Variants in OSBPL1A observed in about 807,000 individuals in gnomAD.
The protein encoded by OSBPL1A is oxysterol-binding protein-related protein 1.
In OSBPL1A, 80 loss-of-function variants were observed where a neutral mutation model predicts 137.1. The ratio of observed to expected loss-of-function variants is 0.58; its 90% CI spans 0.49 to 0.70. OSBPL1A has a LOEUF of 0.70. OSBPL1A is among the 30% of genes least tolerant of loss of function. OSBPL1A has a pLI of 0.00. For missense variants in OSBPL1A, 970 were observed against 1,129.4 expected (o/e 0.86, Z 2.02); for synonymous variants, 365 against 389.7 (o/e 0.94, Z 0.75).
Position 24,206,736 on chromosome 18 carries a change from A to G in OSBPL1A, c.1602-10536T>C, listed in dbSNP as rs571485099. Among the ~76,000 whole-genome samples the G allele has an allele frequency of 5.3e-5, 8 of 152,308 alleles. No homozygotes were observed. The East Asian group carries it at 1.4e-3, about 26-fold the overall frequency. On this transcript the variant is annotated intron_variant, in intron 17 of 27. Transcript: ENST00000319481. ...TGATCTCAAAGTCAGCCACGATGTC[A>G]GCAATGGGATTTTGAAAGCAACTCA...
chr18:24,236,470 G>A (rs930318486), intron 16 of OSBPL1A, among the ~76,000 whole-genome samples: 6 of 152,120 alleles, frequency 3.9e-5, no homozygotes, highest in Non-Finnish European at 7.4e-5. Flanking sequence ...TGGGTGGCTA[G>A]GTCAACAGCA....
intron 15 of OSBPL1A, among the ~76,000 whole-genome samples, chr18:24,243,606 C>T (rs928590229): frequency 6.6e-6 from 1 of 152,220 alleles, no homozygotes; most frequent in Admixed American, 6.5e-5. Flanking sequence ...CCGTTACCCA[C>T]CTAAAATAAG....
chr18:24,205,917 GTC>G (rs2087359270), intron 17 of OSBPL1A, among the ~76,000 whole-genome samples: 2 of 152,202 alleles, frequency 1.3e-5, no homozygotes, highest in Non-Finnish European at 2.9e-5. Context: ...TTGAGACAGA[GTC>G]TCGATCTGTC....
chr18:24,294,535 A>G lies in OSBPL1A; in HGVS notation c.1174+9102T>C, dbSNP rs180759961. Among the ~76,000 whole-genome samples, 9 of 152,066 alleles carry G rather than the reference A, an allele frequency of 5.9e-5. No homozygotes were observed. In the East Asian group the frequency reaches 1.7e-3, roughly 29 times the overall value. ...AGGCGTGAGCCACTGTGCCCGGTCC[A>G]ATATGTAGATTTTAATTTCTCCCCC... On this transcript the variant is annotated intron_variant, in intron 14 of 27. Transcript: ENST00000319481.
intron 15 of OSBPL1A, among the ~76,000 whole-genome samples, chr18:24,268,424 A>T (rs1270573920): frequency 2.6e-5 from 4 of 152,118 alleles, no homozygotes; most frequent in Non-Finnish European, 5.9e-5. Context: ...CTGGCCCTAT[A>T]TGAAGCTTCT....
rs2086330646 is a variant in OSBPL1A, at chr18:24,173,081, A to T, written c.2094-598T>A. Among the ~76,000 whole-genome samples, 3 of 152,244 alleles carry T rather than the reference A, an allele frequency of 2.0e-5. No individual in the cohort carries two copies. The South Asian group carries it at 6.2e-4, about 32-fold the overall frequency. On this transcript the variant is annotated intron_variant, in intron 21 of 27. Transcript: ENST00000319481. ...TACTATGAAGCCATAAAAAAGAACA[A>T]GATCATGTCTTTTCTGGGAATATGG...
intron 27 of OSBPL1A, among the ~76,000 whole-genome samples, chr18:24,164,666 G>A (rs1042536957): frequency 1.3e-5 from 2 of 151,832 alleles, no homozygotes; most frequent in Non-Finnish European, 2.9e-5. Flanking sequence ...CTGACCTCAT[G>A]ATCCGCCCGC....
intron 4 of OSBPL1A, 89 bp from the exon 5 acceptor site, chr18:24,341,747 T>A: frequency 1.3e-6 from 1 of 752,580 alleles, no homozygotes; most frequent in Non-Finnish European, 2.1e-6. Flanking sequence ...CTACAGAGTC[T>A]CCACAATAGA....
intron 14 of OSBPL1A, among the ~76,000 whole-genome samples, chr18:24,296,650 T>C (rs769157523): frequency 6.6e-6 from 1 of 152,204 alleles, no homozygotes; most frequent in Non-Finnish European, 1.5e-5. Context: ...TTGTCATATA[T>C]GGCTTTTATT....
rs189507292 is a variant in OSBPL1A at position 24,339,779 on chromosome 18, G to A, written c.394+1768C>T. Among the ~76,000 whole-genome samples the A allele has an allele frequency of 5.9e-5, 9 of 152,334 alleles. No individual in the cohort carries two copies. The East Asian group carries it at 1.7e-3, about 29-fold the overall frequency. On this transcript the variant is annotated intron_variant, in intron 5 of 27. Coordinates refer to ENST00000319481, the MANE Select transcript of OSBPL1A (RefSeq NM_080597.4). ...TCATATAACACAGTGTCTGATAGAAGATGTTATGTGTTAATTTGCTTGTTC... is the reference window on the plus strand; with the variant it reads ...TCATATAACACAGTGTCTGATAGAAAATGTTATGTGTTAATTTGCTTGTTC...
chr18:24,390,706 A>C (rs965502476), intron 1 of OSBPL1A, among the ~76,000 whole-genome samples: 1 of 150,268 alleles, frequency 6.7e-6, no homozygotes, highest in African/African-American at 2.4e-5. Flanking sequence ...AAAAAAAAAA[A>C]AAAAAAAAAA....
intron 7 of OSBPL1A, among the ~76,000 whole-genome samples, chr18:24,322,877 C>G (rs1422434442): frequency 6.6e-6 from 1 of 152,034 alleles, no homozygotes; most frequent in African/African-American, 2.4e-5. Context: ...GTTCCACCAC[C>G]AGTTAAAAAA....
intron 7 of OSBPL1A, among the ~76,000 whole-genome samples, chr18:24,325,439 A>G (rs1180700888): frequency 1.3e-5 from 2 of 152,148 alleles, no homozygotes; most frequent in East Asian, 1.9e-4. Context: ...GAGCTTTTAC[A>G]CTGGCTTTCC....
At position 24,163,038 on chromosome 18, in the gene OSBPL1A, G is replaced by T. The variant is rs1599413379; in HGVS notation, c.*141C>A. ...CAATATCGCCTTATACCCTGCTTTT[G>T]TTGGGTGAAATGCAGTTATCTCATG... On this transcript the variant is annotated 3_prime_UTR_variant, in exon 28 of 28. Coordinates refer to ENST00000319481, the MANE Select transcript of OSBPL1A (RefSeq NM_080597.4). 1 of 594,356 alleles carries T rather than the reference G, an allele frequency of 1.7e-6. No individual in the cohort carries two copies. Among genetic ancestry groups the T allele is most frequent in the African/African-American group, 1.9e-5 (1 of 52,422 alleles). The allele number at this position is 594,356 out of a possible 1,614,324, so 36.8% of individuals were successfully genotyped here.
At chr18:24,163,989 C>A (rs373052988) in intron 27 of OSBPL1A, among the ~76,000 whole-genome samples, 112 of 152,294 alleles carry the variant, frequency 7.4e-4, no homozygotes, top group African/African-American at 2.5e-3. Context: ...CTCGGCCTCC[C>A]AAAGTGCTGG....
intron 14 of OSBPL1A, among the ~76,000 whole-genome samples, chr18:24,299,041 A>T (rs1323375048): frequency 6.6e-6 from 1 of 152,190 alleles, no homozygotes; most frequent in Non-Finnish European, 1.5e-5. Context: ...ATGTAAAAAT[A>T]GCTACTCCTG....
intron 16 of OSBPL1A, among the ~76,000 whole-genome samples, chr18:24,238,022 T>C (rs1031198442): frequency 1.3e-5 from 2 of 152,216 alleles, no homozygotes; most frequent in African/African-American, 4.8e-5. Context: ...AAACCTCTAT[T>C]AATAATGTTC....
At chr18:24,205,671 A>G (rs989526371) in intron 17 of OSBPL1A, among the ~76,000 whole-genome samples, 1 of 152,188 alleles carries the variant, frequency 6.6e-6, no homozygotes, top group Non-Finnish European at 1.5e-5. Flanking sequence ...TTCCTGCCTG[A>G]GTTGTTAAAG....
intron 4 of OSBPL1A, 77 bp from the exon 5 acceptor site, chr18:24,341,735 T>A: frequency 1.2e-6 from 1 of 865,680 alleles, no homozygotes; most frequent in Non-Finnish European, 1.8e-6. Flanking sequence ...AATTACTAAC[T>A]ACTACAGAGT....
Sources: gnomAD v4.1 joint callset for allele counts (sites outside exome capture counted in the v4.1 genomes callset) on GRCh38, gnomAD v4.1.1 for gene constraint, MANE v1.5 for transcripts, NCBI Gene and HGNC (gene_info 2026-07-23, HGNC 2026-07-21) for gene names.